TLK1: variants seen among roughly 807,000 people sequenced by gnomAD.
TLK1 encodes the protein serine/threonine-protein kinase tousled-like 1.
Under a neutral mutation model 105.3 loss-of-function variants are expected in TLK1, and 24 were observed. The observed-to-expected ratio is 0.23, with a 90% CI of 0.17 to 0.32. The LOEUF (loss-of-function observed/expected upper bound fraction) is 0.32. TLK1 is among the 10% of genes least tolerant of loss of function. The pLI, the probability that TLK1 is intolerant of heterozygous loss-of-function variation, is 1.00. For synonymous variants in TLK1, 321 were observed against 310.4 expected (o/e 1.03, Z -0.36); for missense variants, 558 against 910.5 (o/e 0.61, Z 4.98).
chr2:171,170,568 A>G (rs540978045), intron 1 of TLK1, among the ~76,000 whole-genome samples: 42 of 152,344 alleles, frequency 2.8e-4, no homozygotes, highest in African/African-American at 9.9e-4. Flanking sequence ...CTTAAGAGTC[A>G]TTGCGCCACC....
chr2:171,172,470 T>C (rs567171948), intron 1 of TLK1, among the ~76,000 whole-genome samples: 1 of 152,180 alleles, frequency 6.6e-6, no homozygotes, highest in Non-Finnish European at 1.5e-5. Flanking sequence ...TTATGGGAAG[T>C]ATCTACTTAA....
At chr2:171,075,731 A>G (rs779745978) in intron 3 of TLK1, among the ~76,000 whole-genome samples, 9 of 152,220 alleles carry the variant, frequency 5.9e-5, no homozygotes, top group Non-Finnish European at 1.0e-4. Flanking sequence ...AGGGCATCCA[A>G]AACGAGAAGA....
intron 1 of TLK1, among the ~76,000 whole-genome samples, chr2:171,182,930 AAAAAAAAAGAAAG>A (rs1692951947): frequency 1.3e-5 from 2 of 149,776 alleles, no homozygotes; most frequent in South Asian, 4.3e-4. Context: ...TCCAAAAAAA[AAAAAAAAAGAAAG>A]AAAGAAAGAA....
chr2:171,202,501 G>C (rs904080330), intron 1 of TLK1, among the ~76,000 whole-genome samples: 1 of 152,088 alleles, frequency 6.6e-6, no homozygotes, highest in African/African-American at 2.4e-5. Context: ...GCTTATGCCT[G>C]TAATCCCAGC....
At chr2:171,146,410 C>T (rs1691793985) in intron 1 of TLK1, among the ~76,000 whole-genome samples, 1 of 152,088 alleles carries the variant, frequency 6.6e-6, no homozygotes, top group South Asian at 2.1e-4. Context: ...ATGACATCAG[C>T]ATATGACCCA....
chr2:171,007,211 TAG>T, intron 14 of TLK1, 148 bp from the exon 15 acceptor site: 3 of 536,574 alleles, frequency 5.6e-6, no homozygotes, highest in South Asian at 3.4e-5. Context: ...AGACTATATA[TAG>T]CTCAATGACA....
chr2:171,120,903 C>G (rs1310030546), intron 1 of TLK1, among the ~76,000 whole-genome samples: 1 of 152,116 alleles, frequency 6.6e-6, no homozygotes, highest in Non-Finnish European at 1.5e-5. Flanking sequence ...AAGTGGCCAT[C>G]AACAGATGAA....
At chr2:171,005,633 G>A (rs1684617749) in intron 18 of TLK1, among the ~76,000 whole-genome samples, 1 of 152,178 alleles carries the variant, frequency 6.6e-6, no homozygotes, top group Admixed American at 6.5e-5. Flanking sequence ...TTACTCAAGA[G>A]TAAGTGGGCA....
chr2:171,002,457 G>A (rs2105357234), intron 18 of TLK1, among the ~76,000 whole-genome samples: 1 of 151,524 alleles, frequency 6.6e-6, no homozygotes, highest in Non-Finnish European at 1.5e-5. Flanking sequence ...TGTATTTTTA[G>A]TAGAGACGGG....
chr2:171,145,774 T>C (rs1490415678), intron 1 of TLK1, among the ~76,000 whole-genome samples: 2 of 152,172 alleles, frequency 1.3e-5, no homozygotes, highest in African/African-American at 2.4e-5. Flanking sequence ...CAGAAAATAA[T>C]GTGGATGAAT....
At chr2:171,012,523 G>A (rs1345253659) in intron 13 of TLK1, among the ~76,000 whole-genome samples, 5 of 151,532 alleles carry the variant, frequency 3.3e-5, no homozygotes. Flanking sequence ...GTCTCGCTCT[G>A]GCTGGAGTGC....
Position 171,160,023 on chromosome 2 carries a change from C to T in TLK1, c.139+267G>A, listed in dbSNP as rs1692399044. ...CCTCGCAGGACTGGCTCCCAGGAAC[C>T]CCAGGCGAGTCTATGCGCCTCGCCC... On this transcript the variant is annotated intron_variant, in intron 1 of 20. Coordinates refer to ENST00000431350, the MANE Select transcript of TLK1 (RefSeq NM_012290.5). The surrounding 1 kb of genome is among the most constrained non-coding windows in gnomAD (Gnocchi z 4.4). Among the ~76,000 whole-genome samples the T allele has an allele frequency of 1.3e-5, 2 of 152,172 alleles. No individual in the cohort carries two copies. The highest frequency in any genetic ancestry group is 4.1e-4 in the South Asian group (2 of 4,830).
intron 1 of TLK1, among the ~76,000 whole-genome samples, chr2:171,130,391 C>G (rs1022198436): frequency 3.6e-5 from 3 of 82,968 alleles, no homozygotes; most frequent in African/African-American, 1.4e-4. Flanking sequence ...AACAGAGCAA[C>G]TCTATCTCGG....
chr2:171,168,368 CA>C (rs908069993), intron 1 of TLK1, among the ~76,000 whole-genome samples: 1 of 150,964 alleles, frequency 6.6e-6, no homozygotes, highest in African/African-American at 2.4e-5. Flanking sequence ...CCTCCTCTTC[CA>C]AAAAAAATAA....
chr2:171,016,802 C>T (rs192061015), intron 12 of TLK1, among the ~76,000 whole-genome samples: 104 of 152,250 alleles, frequency 6.8e-4, no homozygotes, highest in Admixed American at 9.2e-4. Flanking sequence ...TTGTACTTCA[C>T]ATTACTCCTA....
chr2:171,103,888 C>T (rs2105509172), intron 2 of TLK1, among the ~76,000 whole-genome samples: 1 of 152,286 alleles, frequency 6.6e-6, no homozygotes, highest in South Asian at 2.1e-4. Context: ...CACCAAAAAG[C>T]TGTTAGAACT....
At chr2:171,089,533 C>A (rs1341023172) in intron 2 of TLK1, among the ~76,000 whole-genome samples, 1 of 152,232 alleles carries the variant, frequency 6.6e-6, no homozygotes, top group African/African-American at 2.4e-5. Context: ...ACGATCAACT[C>A]TTTCCCACTG....
intron 18 of TLK1, among the ~76,000 whole-genome samples, chr2:171,000,148 C>T (rs1024872640): frequency 2.0e-5 from 3 of 152,090 alleles, no homozygotes; most frequent in South Asian, 2.1e-4. Flanking sequence ...GAGGCCGAGA[C>T]GGGTAGAACA....
intron 1 of TLK1, among the ~76,000 whole-genome samples, chr2:171,155,126 C>A (rs1692184298): frequency 6.6e-6 from 1 of 152,088 alleles, no homozygotes; most frequent in Non-Finnish European, 1.5e-5. Flanking sequence ...TTCTTCTTCC[C>A]TCTTTTCAGA....
Sources: allele counts gnomAD v4.1 joint callset (sites outside exome capture counted in the v4.1 genomes callset), GRCh38; gene constraint gnomAD v4.1.1; non-coding constraint Gnocchi (gnomAD v3.1); transcripts MANE v1.5; gene names NCBI Gene and HGNC (gene_info 2026-07-23, HGNC 2026-07-21).